The following CSGALNACT1 variants were observed in gnomAD, a reference collection of about 807,000 sequenced individuals.
The protein encoded by CSGALNACT1 is chondroitin sulfate N-acetylgalactosaminyltransferase 1, also known as beta4GalNAcT-1.
Under a neutral mutation model 51.0 loss-of-function variants are expected in CSGALNACT1, and 52 were observed. That is an observed-to-expected ratio of 1.02 (90% CI 0.82 to 1.29). The LOEUF is 1.29. CSGALNACT1 is among the 50% of genes most tolerant of loss of function. The probability of loss-of-function intolerance (pLI) is 0.00; values close to 1 mark genes in which losing one functional copy is unlikely to be tolerated. For missense variants in CSGALNACT1, 935 were observed against 679.2 expected, an observed-to-expected ratio of 1.38 and a Z score of -4.19; for synonymous variants, 341 against 254.4, an observed-to-expected ratio of 1.34 and a Z score of -3.24.
chr8:19,613,601 C>A (rs991916075), intron 1 of CSGALNACT1, among the ~76,000 whole-genome samples: 1 of 152,222 alleles, frequency 6.6e-6, no homozygotes, highest in Non-Finnish European at 1.5e-5. Context: ...ACCAAGTCAA[C>A]CATTTTTAAA....
In CSGALNACT1 at chr8:19,571,528, C is replaced by T. The variant is rs2043032669; in HGVS notation, c.-297+19632G>A. ...TCGCTGTCAGCTGCCACTCTTTCTC[C>T]CCAACTAATATGGCTAATACGGCAT... On this transcript the variant is annotated intron_variant, in intron 3 of 9. Transcript: ENST00000454498. 8.6e-5 allele frequency among the ~76,000 whole-genome samples: 13 copies of T among 150,860 alleles called. 1 individual carries two copies. The South Asian group carries it at 2.7e-3, about 32-fold the overall frequency.
chr8:19,428,138 C>T (rs1467436857), intron 6 of CSGALNACT1, among the ~76,000 whole-genome samples: 1 of 152,168 alleles, frequency 6.6e-6, no homozygotes, highest in African/African-American at 2.4e-5. Flanking sequence ...GGATAATTCC[C>T]AGCTCCTGTC....
At chr8:19,586,464 T>C (rs2046677911) in intron 3 of CSGALNACT1, among the ~76,000 whole-genome samples, 1 of 151,536 alleles carries the variant, frequency 6.6e-6, no homozygotes, top group Non-Finnish European at 1.5e-5. Context: ...ATGTAGTGAT[T>C]CTCAACCTCT....
chr8:19,411,413 A>G (rs1409279166), intron 8 of CSGALNACT1, among the ~76,000 whole-genome samples: 1 of 152,224 alleles, frequency 6.6e-6, no homozygotes, highest in Non-Finnish European at 1.5e-5. Context: ...AACATTGTCC[A>G]GCACACAGCA....
At chr8:19,541,246 ATTTTTTTTTTTT>A (rs34749639) in intron 3 of CSGALNACT1, among the ~76,000 whole-genome samples, 1 of 111,322 alleles carries the variant, frequency 9.0e-6, no homozygotes, top group Non-Finnish European at 1.8e-5. Context: ...AACTTGGCTA[ATTTTTTTTTTTT>A]TTTTTTTTTT....
chr8:19,445,139 C>G (rs956426955), intron 5 of CSGALNACT1, among the ~76,000 whole-genome samples: 17 of 152,296 alleles, frequency 1.1e-4, no homozygotes, highest in Middle Eastern at 6.8e-3. Flanking sequence ...TCCCACTTAG[C>G]CACAGTCCCT....
At chr8:19,420,708 A>T (rs2057788334) in intron 6 of CSGALNACT1, among the ~76,000 whole-genome samples, 190 bp from the exon 6 acceptor site, 2 of 152,340 alleles carry the variant, frequency 1.3e-5, no homozygotes, top group African/African-American at 4.8e-5. Context: ...AGGTACCAAG[A>T]ACACCTAGTG....
upstream of CSGALNACT1, among the ~76,000 whole-genome samples, chr8:19,606,063 C>T (rs1425140953): frequency 6.6e-6 from 1 of 152,180 alleles, no homozygotes; most frequent in African/African-American, 2.4e-5. Flanking sequence ...AACTTTAAAT[C>T]TTTAGACCAT....
intron 8 of CSGALNACT1, 57 bp from the exon 8 acceptor site, chr8:19,408,751 G>T: frequency 1.3e-6 from 2 of 1,498,674 alleles, no homozygotes; most frequent in Non-Finnish European, 9.3e-7. Context: ...AAAATAGAGT[G>T]TTCACAAACT....
intron 1 of CSGALNACT1, among the ~76,000 whole-genome samples, chr8:19,611,393 A>G (rs2154152847): frequency 6.6e-6 from 1 of 152,348 alleles, no homozygotes; most frequent in East Asian, 1.9e-4. Context: ...AACTTCCTTC[A>G]CAGTAGTAAA....
chr8:19,605,167 G>C (rs7014902), upstream of CSGALNACT1, among the ~76,000 whole-genome samples: 29,184 of 152,198 alleles, frequency 0.19, 2,808 homozygotes, highest in Middle Eastern at 0.3. Flanking sequence ...ACTGCAGTTA[G>C]AATAGTTACA....
chr8:19,732,765 T>A (rs936110006), intron 1 of CSGALNACT1, among the ~76,000 whole-genome samples: 3 of 152,270 alleles, frequency 2.0e-5, no homozygotes, highest in Non-Finnish European at 2.9e-5. Flanking sequence ...CCTTGCCATA[T>A]GAATCACCCT....
At chr8:19,430,174 T>A (rs939568739) in intron 6 of CSGALNACT1, among the ~76,000 whole-genome samples, 3 of 152,258 alleles carry the variant, frequency 2.0e-5, no homozygotes, top group African/African-American at 4.8e-5. Context: ...TTCACTTTTA[T>A]GGTAGCACAA....
At chr8:19,485,621 G>C (rs900185924) in intron 4 of CSGALNACT1, among the ~76,000 whole-genome samples, 1 of 152,064 alleles carries the variant, frequency 6.6e-6, no homozygotes, top group African/African-American at 2.4e-5. Flanking sequence ...ACAAAGACAA[G>C]ATGAGATTAA....
intron 3 of CSGALNACT1, among the ~76,000 whole-genome samples, chr8:19,590,640 CTTTTTTTTTTTT>C (rs34859554): frequency 7.2e-5 from 5 of 68,982 alleles, no homozygotes; most frequent in East Asian, 4.7e-4. Flanking sequence ...GACCTAACTA[CTTTTTTTTTTTT>C]TTTTTTTTTT....
intron 4 of CSGALNACT1, among the ~76,000 whole-genome samples, chr8:19,479,214 C>T (rs2070670129): frequency 6.6e-6 from 1 of 152,224 alleles, no homozygotes. Flanking sequence ...ACCGTCTCTT[C>T]CCTTATATGA....
At chr8:19,405,464 G>A (rs546376202) in exon 10 of CSGALNACT1, 6 of 525,966 alleles carry the variant, frequency 1.1e-5, no homozygotes, top group South Asian at 4.6e-5. Flanking sequence ...ATATTTCAAT[G>A]AGCACACAAA....
chr8:19,460,456 G>C (rs1294424345), intron 4 of CSGALNACT1, among the ~76,000 whole-genome samples: 3 of 152,132 alleles, frequency 2.0e-5, no homozygotes, highest in Non-Finnish European at 4.4e-5. Flanking sequence ...CTATGCTTCT[G>C]GGCATCCACT....
intron 4 of CSGALNACT1, 28 bp downstream of exon 3, chr8:19,505,173 C>G: frequency 6.2e-7 from 1 of 1,613,908 alleles, no homozygotes; most frequent in Non-Finnish European, 8.5e-7. Context: ...TTTTCTTCTC[C>G]TTTCCCCCCA....
Sources: gnomAD v4.1 joint callset for allele counts (sites outside exome capture counted in the v4.1 genomes callset) on GRCh38, gnomAD v4.1.1 for gene constraint, MANE v1.5 for transcripts, NCBI Gene and HGNC (gene_info 2026-07-23, HGNC 2026-07-21) for gene names.